POTEJ: variants seen among roughly 807,000 people sequenced by gnomAD.
POTEJ encodes the protein POTE ankyrin domain family, member J.
POTEJ carries 11 observed loss-of-function variants against 69.0 expected under a neutral mutation model. That is an observed-to-expected ratio of 0.16 (90% CI 0.10 to 0.26). POTEJ has a LOEUF of 0.26. POTEJ is among the 10% of genes least tolerant of loss of function. The pLI is 1.00. For missense variants in POTEJ, 327 were observed against 1,045.5 expected (o/e 0.31, Z 9.48); for synonymous variants, 117 against 381.1 (o/e 0.31, Z 8.07).
At chr2:130,632,946 A>G (rs1685960003) in intron 9 of POTEJ, among the ~76,000 whole-genome samples, 1 of 147,488 alleles carries the variant, frequency 6.8e-6, no homozygotes, top group South Asian at 2.1e-4. Context: ...TTATATAGGT[A>G]AAGTGTATCA....
chr2:130,611,955 G>C lies in POTEJ; in HGVS notation c.410+13G>C. Reference sequence around the variant, plus strand: ...ACAAGCAAAAGAGGTAACCAGGCCTGGGCTGGGAGGAGGTGGGAGGTCGGG... The same window carrying C: ...ACAAGCAAAAGAGGTAACCAGGCCTCGGCTGGGAGGAGGTGGGAGGTCGGG... On this transcript the variant is annotated intron_variant, in intron 1 of 14. Transcript: ENST00000409602. 1 of 1,185,270 alleles carries C rather than the reference G, an allele frequency of 8.4e-7. No individual in the cohort carries two copies. The highest frequency in any genetic ancestry group is 1.2e-6 in the Non-Finnish European group (1 of 816,850). 73.4% of individuals were successfully genotyped at this position (1,185,270 alleles called of 1,614,324 possible).
At position 130,657,443 on chromosome 2, in the gene POTEJ, T is replaced by G; in HGVS notation, c.2683T>G (p.Ser895Ala). The G allele has an allele frequency of 6.3e-7, 1 of 1,597,418 alleles. No homozygotes were observed. Among genetic ancestry groups the G allele is most frequent in the Non-Finnish European group, 8.5e-7 (1 of 1,169,988 alleles). The change falls in exon 15 of 15, where the codon TCC becomes GCC. Residue 895 changes from serine (S) to alanine (A), a missense_variant. Ser to Ala is a moderately conservative substitution (Grantham distance 99). Transcript: ENST00000409602. Reference protein sequence around the residue: ...DFEQEMAMVASSSSLEKSYEL... With the variant: ...DFEQEMAMVAASSSLEKSYEL... ...CGAGCAGGAGATGGCCATGGTGGCC[T>G]CCAGCTCCTCCCTAGAGAAGAGCTA...
chr2:130,632,794 A>G, intron 9 of POTEJ, 138 bp downstream of exon 9: 1 of 1,291,532 alleles, frequency 7.7e-7, no homozygotes, highest in East Asian at 2.3e-5. Flanking sequence ...AAAAATGAAA[A>G]TCAGCGAACA....
intron 10 of POTEJ, among the ~76,000 whole-genome samples, chr2:130,639,896 A>C (rs1314974980): frequency 6.6e-6 from 1 of 152,266 alleles, no homozygotes; most frequent in Non-Finnish European, 1.5e-5. Flanking sequence ...CTAAGGCTAC[A>C]GAACACAAAA....
intron 6 of POTEJ, among the ~76,000 whole-genome samples, chr2:130,625,436 A>G (rs1208756476): frequency 6.6e-5 from 10 of 152,020 alleles, no homozygotes; most frequent in Middle Eastern, 3.4e-3. Context: ...ACTGTGTGCT[A>G]GATGCCCACT....
At chr2:130,626,733 T>C (rs1685721832) in intron 6 of POTEJ, among the ~76,000 whole-genome samples, 1 of 152,164 alleles carries the variant, frequency 6.6e-6, no homozygotes, top group Non-Finnish European at 1.5e-5. Flanking sequence ...TCATACATCC[T>C]TGGAGTAGCA....
Position 130,643,565 on chromosome 2 carries a change from A to T in POTEJ, c.1370-418A>T, listed in dbSNP as rs1686475594. On this transcript the variant is annotated intron_variant, in intron 10 of 14. Coordinates refer to ENST00000409602, the MANE Select transcript of POTEJ (RefSeq NM_001277083.2). ...GAAAATAAATTTGTCAGAATAGTGGAGGGAAACATTTTAGATATTAGGAAG... is the reference window on the plus strand; with the variant it reads ...GAAAATAAATTTGTCAGAATAGTGGTGGGAAACATTTTAGATATTAGGAAG... 1.4e-5 allele frequency among the ~76,000 whole-genome samples: 2 copies of T among 145,208 alleles called. 1 individual carries two copies. The highest frequency in any genetic ancestry group is 5.1e-5 in the African/African-American group (2 of 39,544).
At chr2:130,651,733 T>G (rs566822801) in intron 13 of POTEJ, among the ~76,000 whole-genome samples, 2 of 142,322 alleles carry the variant, frequency 1.4e-5, no homozygotes, top group East Asian at 3.9e-4. Flanking sequence ...GTTTTTAAAT[T>G]CCTTTTCTTG....
At chr2:130,643,245 A>C (rs1191663365) in intron 10 of POTEJ, among the ~76,000 whole-genome samples, 2 of 144,204 alleles carry the variant, frequency 1.4e-5, no homozygotes, top group Non-Finnish European at 3.1e-5. Flanking sequence ...TCAAAAGATG[A>C]AAATAAGGCC....
intron 10 of POTEJ, among the ~76,000 whole-genome samples, chr2:130,642,213 T>C (rs1446874280): frequency 7.3e-6 from 1 of 137,694 alleles, no homozygotes; most frequent in African/African-American, 2.8e-5. Context: ...TGTTTTTTTG[T>C]ATGGGATAGT....
At chr2:130,639,522 A>G (rs1433521507) in intron 10 of POTEJ, among the ~76,000 whole-genome samples, 1 of 152,290 alleles carries the variant, frequency 6.6e-6, no homozygotes, top group Non-Finnish European at 1.5e-5. Flanking sequence ...ATAATGTACA[A>G]TTTTCCCAAT....
intron 13 of POTEJ, among the ~76,000 whole-genome samples, chr2:130,651,191 TG>T (rs1340417120): frequency 7.1e-6 from 1 of 140,494 alleles, no homozygotes; most frequent in South Asian, 2.4e-4. Flanking sequence ...TGGAATTTTT[TG>T]CTTCCGATAG....
intron 10 of POTEJ, among the ~76,000 whole-genome samples, chr2:130,639,505 G>A (rs1366060630): frequency 6.6e-6 from 1 of 152,298 alleles, no homozygotes; most frequent in Non-Finnish European, 1.5e-5. Context: ...TTTGCCAAAA[G>A]ATTGTCATAA....
At chr2:130,640,703 T>A (rs1358070849) in intron 10 of POTEJ, among the ~76,000 whole-genome samples, 1 of 152,046 alleles carries the variant, frequency 6.6e-6, no homozygotes, top group African/African-American at 2.4e-5. Context: ...CCTGTAACAT[T>A]TCATTGGCTG....
Position 130,625,921 on chromosome 2 carries a change from C to G in POTEJ, c.1015+1787C>G, listed in dbSNP as rs1299628197. Among the ~76,000 whole-genome samples, 5 of 134,878 alleles carry G rather than the reference C, an allele frequency of 3.7e-5. 1 individual carries two copies. Among genetic ancestry groups the G allele is most frequent in the Admixed American group, 1.5e-4 (2 of 13,516 alleles). 88.5% of individuals were successfully genotyped at this position (134,878 alleles called of 152,430 possible). ...TGAACAGTGGCTAAAACAGTAAGAA[C>G]CAGAGTTGTTTTGGTTGTTCTTTGA... On this transcript the variant is annotated intron_variant, in intron 6 of 14. Transcript: ENST00000409602.
rs1164209345 is a variant in POTEJ, at chr2:130,648,283, G to T, written c.1667+1973G>T. ...TTTATAACCTTTAGAATATATAATT[G>T]TTACATAAAATTTGAAAACTCCACC... On this transcript the variant is annotated intron_variant, in intron 13 of 14. Transcript: ENST00000409602. Among the ~76,000 whole-genome samples, 4 of 146,232 alleles carry T rather than the reference G, an allele frequency of 2.7e-5. 1 individual carries two copies. Among genetic ancestry groups the T allele is most frequent in the African/African-American group, 1.0e-4 (4 of 38,592 alleles).
chr2:130,613,784 A>G (rs1211601623), intron 1 of POTEJ, among the ~76,000 whole-genome samples: 6 of 124,874 alleles, frequency 4.8e-5, no homozygotes, highest in Non-Finnish European at 9.8e-5. Context: ...ACCTATGCAC[A>G]TAGGAAAATA....
At chr2:130,650,162 C>T (rs1444331656) in intron 13 of POTEJ, among the ~76,000 whole-genome samples, 2 of 152,276 alleles carry the variant, frequency 1.3e-5, no homozygotes, top group Non-Finnish European at 2.9e-5. Context: ...TCATCTCTAA[C>T]TTCAAACCTA....
chr2:130,641,361 T>G (rs75024633), intron 10 of POTEJ, among the ~76,000 whole-genome samples: 1 of 128,798 alleles, frequency 7.8e-6, no homozygotes, highest in Non-Finnish European at 1.7e-5. Flanking sequence ...CTCAGTTACT[T>G]ATTTTACTAT....
Sources: allele counts gnomAD v4.1 joint callset (sites outside exome capture counted in the v4.1 genomes callset), GRCh38; gene constraint gnomAD v4.1.1; transcripts MANE v1.5; gene names NCBI Gene and HGNC (gene_info 2026-07-23, HGNC 2026-07-21).